Variants in PSME1 observed in about 807,000 individuals in gnomAD.
PSME1 encodes the protein proteasome activator complex subunit 1.
In PSME1, 15 loss-of-function variants were observed where a neutral mutation model predicts 38.4. The observed-to-expected ratio is 0.39, with a 90% CI of 0.26 to 0.60. PSME1 has a LOEUF of 0.60. PSME1 is among the 20% of genes least tolerant of loss of function. The pLI is 0.53. For missense variants in PSME1, 249 were observed against 305.6 expected, an observed-to-expected ratio of 0.81 and a Z score of 1.38; for synonymous variants, 106 against 106.8, an observed-to-expected ratio of 0.99 and a Z score of 0.05.
chr14:24,137,470 G>C, intron 4 of PSME1, 39 bp downstream of exon 4: 1 of 1,614,034 alleles, frequency 6.2e-7, no homozygotes. Flanking sequence ...TCCAACTATG[G>C]GGGTAATCAA....
In PSME1 at chr14:24,136,231, C is replaced by T. The variant is rs989878394; in HGVS notation, c.-32C>T. On this transcript the variant is annotated 5_prime_UTR_variant, in exon 1 of 11. Transcript: ENST00000206451. This position sits in a 1 kb window ranked among gnomAD's most constrained non-coding sequence, Gnocchi z 4.8. ...TTCCCTTCGCGGTGCCCACTCCACT[C>T]CTTGTGCGGCGCTAGGCCCCCCGTC... 4.6e-6 allele frequency: 7 copies of T among 1,517,778 alleles called. No individual in the cohort carries two copies. Among genetic ancestry groups the T allele is most frequent in the Non-Finnish European group, 6.2e-6 (7 of 1,133,170 alleles). 94.0% of individuals were successfully genotyped at this position (1,517,778 alleles called of 1,614,324 possible).
rs778191153 is a variant in PSME1 at position 24,136,434 on chromosome 14, T to A, written c.39+133T>A. On this transcript the variant is annotated intron_variant, in intron 1 of 10. Transcript: ENST00000206451. This position sits in a 1 kb window ranked among gnomAD's most constrained non-coding sequence, Gnocchi z 4.8. ...GCCGAGCTGGCGCGCCCGGAGCACC[T>A]GCGCCCCGGGGAGGGCGGCGACTGC... The A allele has an allele frequency of 6.7e-6, 6 of 895,194 alleles. No individual in the cohort carries two copies. Among genetic ancestry groups the A allele is most frequent in the Non-Finnish European group, 7.8e-6 (5 of 643,316 alleles). 55.5% of individuals were successfully genotyped at this position (895,194 alleles called of 1,614,324 possible).
At chr14:24,137,040 G>C in intron 2 of PSME1, 23 bp downstream of exon 2, 8 of 1,614,124 alleles carry the variant, frequency 5.0e-6, no homozygotes, top group Non-Finnish European at 6.8e-6. Context: ...CCATCAGCGT[G>C]GCCCCACCCC....
Position 24,136,634 on chromosome 14 carries a change from C to A in PSME1, c.39+333C>A, listed in dbSNP as rs1426516100. Among the ~76,000 whole-genome samples, 4 of 152,174 alleles carry A rather than the reference C, an allele frequency of 2.6e-5. No homozygotes were observed. Among genetic ancestry groups the A allele is most frequent in the Non-Finnish European group, 4.4e-5 (3 of 68,012 alleles). On this transcript the variant is annotated intron_variant, in intron 1 of 10. Coordinates refer to ENST00000206451, the MANE Select transcript of PSME1 (RefSeq NM_006263.4). This position sits in a 1 kb window ranked among gnomAD's most constrained non-coding sequence, Gnocchi z 4.8. ...GGGAGGGTCCCGGGGCCCACCCCATCCCTGTCCTACTTGCAGAGGACTCTC... is the reference window on the plus strand; with the variant it reads ...GGGAGGGTCCCGGGGCCCACCCCATACCTGTCCTACTTGCAGAGGACTCTC...
At position 24,136,969 on chromosome 14, in the gene PSME1, T is replaced by G; in HGVS notation, c.40-16T>G. 6.2e-7 allele frequency: 1 copy of G among 1,614,164 alleles called. No individual in the cohort carries two copies. The highest frequency in any genetic ancestry group is 2.2e-5 in the East Asian group (1 of 44,886). ...CCTTAAAGCCAAGTTTCTGAAGGGA[T>G]GCGTGTGCCCCACAGGTGGATGTGT... On this transcript the variant is annotated splice_polypyrimidine_tract_variant and intron_variant, in intron 1 of 10. Transcript: ENST00000206451. The surrounding 1 kb of genome is among the most constrained non-coding windows in gnomAD (Gnocchi z 4.8).
rs1490924338 is a variant in PSME1 at position 24,138,230 on chromosome 14, C to T, written c.494C>T (p.Thr165Ile). 6.2e-7 allele frequency: 1 copy of T among 1,614,090 alleles called. No individual in the cohort carries two copies. Among genetic ancestry groups the T allele is most frequent in the African/African-American group, 1.3e-5 (1 of 74,932 alleles). Residue 165 changes from threonine (T) to isoleucine (I), a missense_variant, in exon 8 of 11, where the codon ACC becomes ATC. Transcript: ENST00000206451. Reference protein sequence around the residue: ...KVFELMTSLHTKLEGFHTQIS... With the variant: ...KVFELMTSLHIKLEGFHTQIS... ...TTTGAGCTGATGACCAGCCTCCACA[C>T]CAAGCTAGAAGGCTTCCACACTCAA...
chr14:24,136,765 G>T lies in PSME1; in HGVS notation c.40-220G>T. 1 of 634,408 alleles carries T rather than the reference G, an allele frequency of 1.6e-6. No homozygotes were observed. 39.3% of individuals were successfully genotyped at this position (634,408 alleles called of 1,614,324 possible). A position where few individuals can be genotyped will look rare whatever the true frequency, so the allele number is the denominator to read the frequency against. Reference sequence around the variant, plus strand: ...CTCATCCCCCATATCCAGCCCCAGGGATACCCACTCCACTTTCCGTAGATC... The same window carrying T: ...CTCATCCCCCATATCCAGCCCCAGGTATACCCACTCCACTTTCCGTAGATC... On this transcript the variant is annotated intron_variant, in intron 1 of 10. Transcript: ENST00000206451. This position sits in a 1 kb window ranked among gnomAD's most constrained non-coding sequence, Gnocchi z 4.8.
chr14:24,137,666 C>G (rs781031266), intron 5 of PSME1, 34 bp from the exon 6 acceptor site: 5 of 1,611,576 alleles, frequency 3.1e-6, no homozygotes, highest in Admixed American at 3.3e-5. Context: ...CACACAGGCT[C>G]AATCATGTGA....
Sources: gnomAD v4.1 joint callset for allele counts (sites outside exome capture counted in the v4.1 genomes callset) on GRCh38, gnomAD v4.1.1 for gene constraint, Gnocchi (gnomAD v3.1) non-coding constraint, MANE v1.5 for transcripts, NCBI Gene and HGNC (gene_info 2026-07-23, HGNC 2026-07-21) for gene names.